The following FERMT1 variants were observed in gnomAD, a reference collection of about 807,000 sequenced individuals.
The protein encoded by FERMT1 is FERM domain containing kindlin 1.
In FERMT1, 60 loss-of-function variants were observed where a neutral mutation model predicts 85.3. The observed-to-expected ratio is 0.70, with a 90% CI of 0.57 to 0.87. The LOEUF is 0.87. Ranked by LOEUF, FERMT1 falls within the 40% of genes least tolerant of loss-of-function variation. The pLI is 0.00. For missense variants in FERMT1, 701 were observed against 818.9 expected (o/e 0.86, Z 1.76); for synonymous variants, 275 against 301.1 (o/e 0.91, Z 0.90).
chr20:6,118,159 G>T (rs939406928), intron 2 of FERMT1, among the ~76,000 whole-genome samples: 1 of 152,226 alleles, frequency 6.6e-6, no homozygotes. Flanking sequence ...GAGGTAAATG[G>T]ATAAATAATT....
chr20:6,084,951 C>T (rs1982119317), intron 12 of FERMT1, 115 bp downstream of exon 12: 1 of 1,034,038 alleles, frequency 9.7e-7, no homozygotes, highest in Non-Finnish European at 1.5e-6. Context: ...CCTTGGCCTC[C>T]CAAAGTGCTG....
At position 6,076,919 on chromosome 20, in the gene FERMT1, T is replaced by C. The variant is rs1981840286; in HGVS notation, c.*254A>G. On this transcript the variant is annotated 3_prime_UTR_variant, in exon 15 of 15. Transcript: ENST00000217289. The stretch of plus-strand genomic sequence containing the variant: ...CACATGCTGGGCCTTAGAGCAATCT[T>C]AGGGCACCTGCTTTTCTCCTGCCTA... 7 of 537,102 alleles carry C rather than the reference T, an allele frequency of 1.3e-5. No individual in the cohort carries two copies. The highest frequency in any genetic ancestry group is 8.2e-5 in the South Asian group (4 of 48,908). 33.3% of individuals were successfully genotyped at this position (537,102 alleles called of 1,614,324 possible). A position where few individuals can be genotyped will look rare whatever the true frequency, so the allele number is the denominator to read the frequency against.
At chr20:6,122,330 A>G (rs2123162401) in intron 1 of FERMT1, among the ~76,000 whole-genome samples, 1 of 152,332 alleles carries the variant, frequency 6.6e-6, no homozygotes, top group Middle Eastern at 3.4e-3. Context: ...ACAAGAAGCA[A>G]AGTTACTGGC....
intron 12 of FERMT1, among the ~76,000 whole-genome samples, chr20:6,084,711 TGA>T: frequency 6.8e-6 from 1 of 147,908 alleles, no homozygotes; most frequent in African/African-American, 2.6e-5. Context: ...TTTTTTTTTC[TGA>T]GACACAGTCT....
At chr20:6,085,580 G>T (rs1982154516) in intron 11 of FERMT1, among the ~76,000 whole-genome samples, 1 of 152,220 alleles carries the variant, frequency 6.6e-6, no homozygotes, top group Non-Finnish European at 1.5e-5. Flanking sequence ...GCCAGGTGCG[G>T]TGGCTCATGC....
In FERMT1 at chr20:6,084,108, T is replaced by G. The variant is rs753892881; in HGVS notation, c.1650A>C (p.Glu550Asp). The change falls in exon 13 of 15, where the codon GAA becomes GAC. Residue 550 changes from glutamate to aspartate, a missense_variant. By Grantham distance (45) the Glu-to-Asp change is conservative (BLOSUM62 2). Transcript: ENST00000217289. ...ACGCCTGGATGAACCGCAGCTTGGC[T>G]TCGACCAGGGGCATCTGGGCCACGT... ...HQNVAQMPLV[E>D]AKLRFIQAWQ... The G allele has an allele frequency of 1.4e-5, 22 of 1,613,806 alleles. No individual in the cohort carries two copies. Among genetic ancestry groups the G allele is most frequent in the Non-Finnish European group, 1.8e-5 (21 of 1,179,934 alleles).
At position 6,084,091 on chromosome 20, in the gene FERMT1, A is replaced by G; in HGVS notation, c.1667T>C (p.Ile556Thr). 1 of 1,614,076 alleles carries G rather than the reference A, an allele frequency of 6.2e-7. No homozygotes were observed. The highest frequency in any genetic ancestry group is 8.5e-7 in the Non-Finnish European group (1 of 1,179,984). ...CTCAGGCAGTGACTGCCACGCCTGGATGAACCGCAGCTTGGCTTCGACCAG... is the reference window on the plus strand; with the variant it reads ...CTCAGGCAGTGACTGCCACGCCTGGGTGAACCGCAGCTTGGCTTCGACCAG... ...MPLVEAKLRFIQAWQSLPEFG... is the reference protein window; with the variant it reads ...MPLVEAKLRFTQAWQSLPEFG... Residue 556 changes from isoleucine to threonine, a missense_variant, in exon 13 of 15, where the codon ATC becomes ACC. Ile to Thr is a moderately conservative substitution (Grantham distance 89). Transcript: ENST00000217289.
Position 6,077,197 on chromosome 20 carries a change from G to A in FERMT1, c.2010C>T (p.His670=), listed in dbSNP as rs1981851027. The A allele has an allele frequency of 6.2e-7, 1 of 1,614,028 alleles. No homozygotes were observed. The highest frequency in any genetic ancestry group is 1.7e-5 in the Admixed American group (1 of 60,010). ...QNETLDEDLF[H]KLTGGQD The stretch of plus-strand genomic sequence containing the variant: ...TTCAATCCTGACCGCCGGTCAATTT[G>A]TGGAACAAGTCCTCATCGAGTGTTT... The change falls in exon 15 of 15, where the codon CAC becomes CAT. Residue 670 remains histidine, a synonymous_variant. Transcript: ENST00000217289.
chr20:6,088,511 G>A (rs1982249506), intron 10 of FERMT1, among the ~76,000 whole-genome samples: 1 of 152,158 alleles, frequency 6.6e-6, no homozygotes, highest in African/African-American at 2.4e-5. Context: ...GCTTGGAAGA[G>A]CAGCTGCAGC....
intron 1 of FERMT1, among the ~76,000 whole-genome samples, chr20:6,120,795 G>C (rs1983251744): frequency 6.6e-6 from 1 of 152,170 alleles, no homozygotes; most frequent in African/African-American, 2.4e-5. Context: ...CTATTCAGCA[G>C]GTCTAGGGAG....
chr20:6,109,731 C>T (rs960640918), intron 5 of FERMT1, among the ~76,000 whole-genome samples: 6 of 151,904 alleles, frequency 3.9e-5, no homozygotes, highest in African/African-American at 1.5e-4. Context: ...GAAACCCAAT[C>T]TCTACTAAAA....
Position 6,077,099 on chromosome 20 carries a change from C to A in FERMT1, c.*74G>T. On this transcript the variant is annotated 3_prime_UTR_variant, in exon 15 of 15. Coordinates refer to ENST00000217289, the MANE Select transcript of FERMT1 (RefSeq NM_017671.5). ...GTTAGTCCAGAATCTACATGCTGGG[C>A]ACGTTAGGGATCCCTCTGGGGAGGG... The A allele has an allele frequency of 7.0e-7, 1 of 1,436,454 alleles. No individual in the cohort carries two copies. The highest frequency in any genetic ancestry group is 1.1e-5 in the South Asian group (1 of 87,290). 89.0% of individuals were successfully genotyped at this position (1,436,454 alleles called of 1,614,324 possible).
At chr20:6,120,122 T>C (rs1983230113) in intron 1 of FERMT1, among the ~76,000 whole-genome samples, 1 of 152,102 alleles carries the variant, frequency 6.6e-6, no homozygotes, top group South Asian at 2.1e-4. Flanking sequence ...TATTATTACA[T>C]TCCTCCTACA....
intron 8 of FERMT1, 40 bp from the exon 9 acceptor site, chr20:6,095,028 A>C: frequency 8.7e-7 from 1 of 1,149,270 alleles, no homozygotes; most frequent in Non-Finnish European, 1.3e-6. Flanking sequence ...CAGGAACTTC[A>C]TAAGTGATGC....
At chr20:6,087,735 A>G in intron 11 of FERMT1, 42 bp downstream of exon 11, 1 of 1,068,582 alleles carries the variant, frequency 9.4e-7, no homozygotes, top group East Asian at 2.4e-5. Context: ...TCTTAGGCTT[A>G]GTGGAGGTGA....
chr20:6,077,022 G>C lies in FERMT1; in HGVS notation c.*151C>G. On this transcript the variant is annotated 3_prime_UTR_variant, in exon 15 of 15. Transcript: ENST00000217289. ...GCAAAGTAAGGAAAGGGATGTGCCA[G>C]CAGTGGGTTTGAATGAGGATCTGGG... 1.3e-6 allele frequency: 1 copy of C among 777,066 alleles called. No individual in the cohort carries two copies. The highest frequency in any genetic ancestry group is 2.2e-6 in the Non-Finnish European group (1 of 447,966). 48.1% of individuals were successfully genotyped at this position (777,066 alleles called of 1,614,324 possible).
In FERMT1 at chr20:6,115,828, T is replaced by C. The variant is rs1349852986; in HGVS notation, c.368A>G (p.Asp123Gly). The part of the protein sequence containing the change: ...FSAVVFKAVS[D>G]ICKILNIRRS... The stretch of plus-strand genomic sequence containing the variant: ...GTACTTACTCAGGATTTTGCAGATA[T>C]CACTGACAGCTTTAAAAACCACAGC... Residue 123 changes from aspartate (D) to glycine (G), a missense_variant, in exon 3 of 15, where the codon GAT becomes GGT. Asp to Gly is a moderately conservative substitution (Grantham distance 94). Transcript: ENST00000217289. The C allele has an allele frequency of 2.5e-6, 4 of 1,613,916 alleles. No homozygotes were observed. The highest frequency in any genetic ancestry group is 2.2e-5 in the South Asian group (2 of 91,080).
chr20:6,079,543 C>T lies in FERMT1; in HGVS notation c.1753G>A (p.Val585Ile), dbSNP rs1027291712. 5 of 1,614,000 alleles carry T rather than the reference C, an allele frequency of 3.1e-6. No homozygotes were observed. The highest frequency in any genetic ancestry group is 2.2e-5 in the South Asian group (2 of 91,078). Residue 585 changes from valine (V) to isoleucine (I), a missense_variant, in exon 14 of 15, where the codon GTT becomes ATT. Physicochemically the swap from Val to Ile is conservative, Grantham distance 29. Coordinates refer to ENST00000217289, the MANE Select transcript of FERMT1 (RefSeq NM_017671.5). ...KGSKKDDILG[V>I]SYNRLIKIDA... The stretch of plus-strand genomic sequence containing the variant: ...ATTTTAATCAACCTGTTATATGAAA[C>T]TCCCAGAATGTCATCTTTTTTGCTT...
At chr20:6,117,094 A>C (rs1444621483) in intron 2 of FERMT1, among the ~76,000 whole-genome samples, 2 of 152,220 alleles carry the variant, frequency 1.3e-5, no homozygotes, top group Admixed American at 6.5e-5. Context: ...TCTCCCTTTC[A>C]ATGTTAGCAC....
Sources: allele counts gnomAD v4.1 joint callset (sites outside exome capture counted in the v4.1 genomes callset), GRCh38; gene constraint gnomAD v4.1.1; transcripts MANE v1.5; gene names NCBI Gene and HGNC (gene_info 2026-07-23, HGNC 2026-07-21).